Variants in CDC42BPA observed in about 807,000 individuals in gnomAD.
CDC42BPA encodes CDC42 binding protein kinase alpha.
In CDC42BPA, 80 loss-of-function variants were observed where a neutral mutation model predicts 223.5. That is an observed-to-expected ratio of 0.36 (90% confidence interval 0.30 to 0.43). The LOEUF (loss-of-function observed/expected upper bound fraction) is 0.43, where lower values mean the gene tolerates loss of function less well. Ranked by LOEUF, CDC42BPA falls within the 20% of genes least tolerant of loss-of-function variation. The pLI, the probability that CDC42BPA is intolerant of heterozygous loss-of-function variation, is 1.00. For synonymous variants in CDC42BPA, 694 were observed against 718.6 expected (o/e 0.97, Z 0.55); for missense variants, 1,743 against 2,099.9 (o/e 0.83, Z 3.32).
chr1:227,241,584 C>T (rs1186982761), intron 2 of CDC42BPA, among the ~76,000 whole-genome samples: 2 of 152,082 alleles, frequency 1.3e-5, no homozygotes, highest in African/African-American at 4.8e-5. Context: ...AGAGTACATA[C>T]TGTATAATTC....
intron 17 of CDC42BPA, among the ~76,000 whole-genome samples, chr1:227,080,094 TAA>T (rs1440522866): frequency 3.3e-5 from 5 of 152,110 alleles, no homozygotes; most frequent in Non-Finnish European, 7.4e-5. Flanking sequence ...TCAGCACTCA[TAA>T]AGTTTCACGT....
At chr1:227,157,019 G>T (rs79750570) in intron 6 of CDC42BPA, among the ~76,000 whole-genome samples, 13,882 of 152,138 alleles carry the variant, frequency 0.091, 852 homozygotes, top group Middle Eastern at 0.17. Flanking sequence ...TTATCCTAGA[G>T]CAGTATAATT....
chr1:227,261,256 C>CA (rs1456924564), intron 1 of CDC42BPA, among the ~76,000 whole-genome samples: 2 of 150,218 alleles, frequency 1.3e-5, no homozygotes, highest in Non-Finnish European at 2.9e-5. Context: ...GCTGTAATTA[C>CA]AGGTGCGTGC....
chr1:227,274,824 GATA>G (rs1420068468), intron 1 of CDC42BPA, among the ~76,000 whole-genome samples: 1 of 152,106 alleles, frequency 6.6e-6, no homozygotes, highest in Admixed American at 6.5e-5. Flanking sequence ...CTTCACTACA[GATA>G]ATGACTGTCA....
In CDC42BPA at chr1:227,028,633, C is replaced by T. The variant is rs776168914; in HGVS notation, c.4432+24G>A. The T allele has an allele frequency of 3.5e-6, 5 of 1,420,150 alleles. No homozygotes were observed. The Admixed American group carries it at 8.4e-5, about 24-fold the overall frequency. 88.0% of individuals were successfully genotyped at this position (1,420,150 alleles called of 1,614,324 possible). On this transcript the variant is annotated intron_variant, in intron 30 of 36. Transcript: ENST00000366766. ...AGGAAGAAGAGATATAAAGATAAGA[C>T]AGCCGTAAGAAAGAGAATCTTACAA...
intron 1 of CDC42BPA, among the ~76,000 whole-genome samples, 160 bp from the exon 2 acceptor site, chr1:227,254,315 T>C (rs966701292): frequency 6.6e-6 from 1 of 152,218 alleles, no homozygotes; most frequent in South Asian, 2.1e-4. Context: ...ACAGATTTAA[T>C]TTCCCTAAGA....
intron 2 of CDC42BPA, among the ~76,000 whole-genome samples, chr1:227,246,147 A>G (rs549854758): frequency 6.6e-6 from 1 of 152,142 alleles, no homozygotes; most frequent in African/African-American, 2.4e-5. Flanking sequence ...TTAAGTGAAC[A>G]CTGGTGGTGT....
intron 2 of CDC42BPA, among the ~76,000 whole-genome samples, chr1:227,222,440 A>G (rs1676100545): frequency 6.6e-6 from 1 of 152,136 alleles, no homozygotes; most frequent in Non-Finnish European, 1.5e-5. Context: ...CTGAGGTTGC[A>G]GTGAGCCAAG....
chr1:227,243,315 C>A (rs997955962), intron 2 of CDC42BPA, among the ~76,000 whole-genome samples: 1 of 152,112 alleles, frequency 6.6e-6, no homozygotes, highest in Admixed American at 6.6e-5. Flanking sequence ...GTACCCCTGA[C>A]CTTAAGAACT....
At chr1:227,316,671 T>C (rs752639023) in intron 1 of CDC42BPA, among the ~76,000 whole-genome samples, 7 of 152,228 alleles carry the variant, frequency 4.6e-5, no homozygotes, top group Non-Finnish European at 7.3e-5. Context: ...AGGACTATTA[T>C]AGTGCCATGT....
At chr1:227,316,469 CAT>C (rs1694410657) in intron 1 of CDC42BPA, among the ~76,000 whole-genome samples, 2 of 152,182 alleles carry the variant, frequency 1.3e-5, no homozygotes, top group Admixed American at 6.5e-5. Context: ...ATCTTACAAA[CAT>C]AATTTTTGGA....
chr1:227,213,824 C>T (rs1674368215), intron 2 of CDC42BPA, among the ~76,000 whole-genome samples: 1 of 152,058 alleles, frequency 6.6e-6, no homozygotes. Context: ...CTAAACTTTA[C>T]ACATCCCTTC....
chr1:227,250,680 TA>T, intron 2 of CDC42BPA, among the ~76,000 whole-genome samples: 1 of 152,108 alleles, frequency 6.6e-6, no homozygotes, highest in African/African-American at 2.4e-5. Flanking sequence ...CAATTTTTTT[TA>T]ATTTTAGGAC....
At chr1:227,050,093 T>C (rs1673236892) in intron 22 of CDC42BPA, among the ~76,000 whole-genome samples, 1 of 151,906 alleles carries the variant, frequency 6.6e-6, no homozygotes, top group Non-Finnish European at 1.5e-5. Flanking sequence ...TGGGAGAAAA[T>C]ATTTGCAATG....
At chr1:227,095,174 T>C (rs1360672469) in intron 15 of CDC42BPA, among the ~76,000 whole-genome samples, 2 of 152,248 alleles carry the variant, frequency 1.3e-5, no homozygotes, top group African/African-American at 4.8e-5. Context: ...TCATTTACTT[T>C]TAATGAGTTC....
chr1:227,133,592 G>T (rs970892974), intron 10 of CDC42BPA, among the ~76,000 whole-genome samples: 1 of 152,180 alleles, frequency 6.6e-6, no homozygotes, highest in African/African-American at 2.4e-5. Context: ...AGTAGACATG[G>T]GAGACTTTTC....
chr1:227,273,124 C>G (rs1462813365), intron 1 of CDC42BPA, among the ~76,000 whole-genome samples: 1 of 152,120 alleles, frequency 6.6e-6, no homozygotes, highest in African/African-American at 2.4e-5. Context: ...ATGGTGAAAC[C>G]CCATCTCTAC....
At chr1:227,151,630 GTTA>G (rs1661772644) in intron 6 of CDC42BPA, among the ~76,000 whole-genome samples, 1 of 152,192 alleles carries the variant, frequency 6.6e-6, no homozygotes, top group Middle Eastern at 3.4e-3. Flanking sequence ...GACAACACTT[GTTA>G]TTTTCTGTTT....
At chr1:227,276,588 C>A (rs961905176) in intron 1 of CDC42BPA, among the ~76,000 whole-genome samples, 1 of 152,176 alleles carries the variant, frequency 6.6e-6, no homozygotes, top group Non-Finnish European at 1.5e-5. Context: ...CCCAACAGCT[C>A]CTTGAGAGCG....
Sources: allele counts gnomAD v4.1 joint callset (sites outside exome capture counted in the v4.1 genomes callset), GRCh38; gene constraint gnomAD v4.1.1; transcripts MANE v1.5; gene names NCBI Gene and HGNC (gene_info 2026-07-23, HGNC 2026-07-21).